Variants in ROBO1 observed in about 807,000 individuals in gnomAD.
The protein encoded by ROBO1 is roundabout homolog 1.
A neutral mutation model predicts 195.9 loss-of-function variants in ROBO1; 149 were observed. That is an observed-to-expected ratio of 0.76 (90% CI 0.67 to 0.87). The LOEUF is 0.87. ROBO1 is among the 40% of genes least tolerant of loss of function. The pLI, the probability that ROBO1 is intolerant of heterozygous loss-of-function variation, is 0.00. For missense variants in ROBO1, 1,933 were observed against 2,068.3 expected (o/e 0.93, Z 1.27); for synonymous variants, 816 against 733.2 (o/e 1.11, Z -1.82).
chr3:79,072,013 C>T (rs1364985342), intron 3 of ROBO1, among the ~76,000 whole-genome samples: 2 of 151,954 alleles, frequency 1.3e-5, no homozygotes, highest in East Asian at 1.9e-4. Context: ...TAAGGGTTTA[C>T]TCCAAAGAAA....
intron 8 of ROBO1, among the ~76,000 whole-genome samples, chr3:78,710,939 C>A (rs557662286): frequency 7.2e-4 from 110 of 152,294 alleles, no homozygotes; most frequent in African/African-American, 2.5e-3. Flanking sequence ...ACAGGCCATG[C>A]CTGATAATCT....
chr3:79,664,744 C>T (rs1313441657), intron 1 of ROBO1, among the ~76,000 whole-genome samples: 1 of 151,872 alleles, frequency 6.6e-6, no homozygotes, highest in Admixed American at 6.6e-5. Context: ...CCCATTATGT[C>T]CTCTATGCCC....
Position 79,381,675 on chromosome 3 carries a change from G to A in ROBO1, c.88+208149C>T, listed in dbSNP as rs187061093. Among the ~76,000 whole-genome samples, 366 of 151,838 alleles carry A rather than the reference G, an allele frequency of 2.4e-3. 2 individuals carry two copies. Among genetic ancestry groups the A allele is most frequent in the African/African-American group, 7.5e-3 (312 of 41,442 alleles). ...GGAACTGCATTTAGATTATGGTCAGGGTCCAATAACAGGGCTTAAGGCAAA... is the reference window on the plus strand; with the variant it reads ...GGAACTGCATTTAGATTATGGTCAGAGTCCAATAACAGGGCTTAAGGCAAA... On this transcript the variant is annotated intron_variant, in intron 2 of 30. Transcript: ENST00000464233.
At chr3:79,534,058 T>C (rs1244384117) in intron 2 of ROBO1, among the ~76,000 whole-genome samples, 2 of 142,758 alleles carry the variant, frequency 1.4e-5, no homozygotes, top group South Asian at 4.3e-4. Context: ...AGCAGCAGAG[T>C]GACGTGAGAA....
At chr3:79,335,710 C>T (rs1010149140) in intron 2 of ROBO1, among the ~76,000 whole-genome samples, 3 of 152,066 alleles carry the variant, frequency 2.0e-5, no homozygotes, top group Non-Finnish European at 4.4e-5. Flanking sequence ...ATTGGTACCG[C>T]AGAGAGTGGG....
intron 4 of ROBO1, among the ~76,000 whole-genome samples, chr3:78,771,677 A>G (rs1166326431): frequency 6.6e-6 from 1 of 152,130 alleles, no homozygotes; most frequent in Admixed American, 6.5e-5. Flanking sequence ...ATGAGACTGC[A>G]TTATTCATTT....
chr3:78,910,058 T>C (rs2038154934), intron 4 of ROBO1, among the ~76,000 whole-genome samples: 2 of 151,798 alleles, frequency 1.3e-5, no homozygotes, highest in South Asian at 4.1e-4. Context: ...AAGATGAATA[T>C]GGGTATTAAA....
intron 8 of ROBO1, among the ~76,000 whole-genome samples, chr3:78,699,571 A>G (rs1032781562): frequency 2.7e-5 from 4 of 150,260 alleles, no homozygotes; most frequent in African/African-American, 9.7e-5. Context: ...TCCATCTCCA[A>G]GTAATAATAA....
chr3:78,803,452 A>G (rs565336453), intron 4 of ROBO1, among the ~76,000 whole-genome samples: 2 of 152,162 alleles, frequency 1.3e-5, no homozygotes, highest in African/African-American at 2.4e-5. Context: ...AAAATATGAT[A>G]GATTTTTTTA....
intron 3 of ROBO1, among the ~76,000 whole-genome samples, chr3:78,954,737 T>TG (rs1292082109): frequency 9.2e-5 from 14 of 152,178 alleles, no homozygotes; most frequent in African/African-American, 3.4e-4. Flanking sequence ...CATTTCTTTA[T>TG]AATATAGAAA....
intron 2 of ROBO1, among the ~76,000 whole-genome samples, chr3:79,528,867 A>G (rs1014782526): frequency 7.2e-5 from 11 of 152,216 alleles, no homozygotes; most frequent in African/African-American, 2.2e-4. Flanking sequence ...ATAAAGAACA[A>G]ACAATTCATC....
At chr3:79,503,808 A>G (rs1219459772) in intron 2 of ROBO1, among the ~76,000 whole-genome samples, 1 of 152,210 alleles carries the variant, frequency 6.6e-6, no homozygotes, top group Admixed American at 6.5e-5. Flanking sequence ...GGATTTGTCT[A>G]TAAAAACTTT....
chr3:79,662,642 C>T lies in ROBO1; in HGVS notation c.-50-72681G>A, dbSNP rs578223842. 4.6e-5 allele frequency among the ~76,000 whole-genome samples: 7 copies of T among 152,140 alleles called. No homozygotes were observed. In the South Asian group the frequency reaches 8.3e-4, roughly 18 times the overall value. ...AAAACTTGCCATTTGAAAGAGACTT[C>T]GTCAATATCATTTTATGTTTCTTCT... is the stretch of plus-strand genomic sequence containing the variant. On this transcript the variant is annotated intron_variant, in intron 1 of 30. Transcript: ENST00000464233.
At chr3:78,685,958 T>C (rs2081041818) in intron 9 of ROBO1, 41 bp from the exon 10 acceptor site, 1 of 1,483,280 alleles carries the variant, frequency 6.7e-7, no homozygotes, top group Non-Finnish European at 9.1e-7. Context: ...TAAAAATAGG[T>C]TAATTGTTAG....
At chr3:78,897,180 A>T (rs970929673) in intron 4 of ROBO1, among the ~76,000 whole-genome samples, 1 of 152,148 alleles carries the variant, frequency 6.6e-6, no homozygotes, top group Admixed American at 6.5e-5. Context: ...TGATTCAAAA[A>T]CTTGGCTGAG....
At chr3:78,816,984 TA>T (rs60096003) in intron 4 of ROBO1, among the ~76,000 whole-genome samples, 139,658 of 151,822 alleles carry the variant, frequency 0.92, 65,259 homozygotes, top group Non-Finnish European at 1. Context: ...TAAAGTATAA[TA>T]AAAAAAATAA....
intron 3 of ROBO1, among the ~76,000 whole-genome samples, chr3:78,976,721 T>C (rs2076891989): frequency 6.6e-6 from 1 of 152,204 alleles, no homozygotes; most frequent in Non-Finnish European, 1.5e-5. Flanking sequence ...TATTCCTTTT[T>C]GAAGTCTTTC....
chr3:79,364,192 G>A (rs989324508), intron 2 of ROBO1, among the ~76,000 whole-genome samples: 5 of 150,996 alleles, frequency 3.3e-5, no homozygotes, highest in African/African-American at 7.3e-5. Flanking sequence ...GCAACAGAGC[G>A]AGACTCCGTC....
At chr3:78,891,182 A>T (rs2036866544) in intron 4 of ROBO1, among the ~76,000 whole-genome samples, 1 of 152,122 alleles carries the variant, frequency 6.6e-6, no homozygotes, top group East Asian at 1.9e-4. Flanking sequence ...AGACCACCCC[A>T]CCTGCAAGTA....
Sources: gnomAD v4.1 joint callset for allele counts (sites outside exome capture counted in the v4.1 genomes callset) on GRCh38, gnomAD v4.1.1 for gene constraint, MANE v1.5 for transcripts, NCBI Gene and HGNC (gene_info 2026-07-23, HGNC 2026-07-21) for gene names.